DIP2C: variants seen among roughly 807,000 people sequenced by gnomAD.
DIP2C encodes DIP2 acetate--CoA ligase C (putative).
DIP2C carries 33 observed loss-of-function variants against 192.4 expected under a neutral mutation model. That is an observed-to-expected ratio of 0.17 (90% CI 0.13 to 0.23). The LOEUF is 0.23. Among genes scored for constraint, DIP2C ranks in the 10% least tolerant of loss-of-function variants. DIP2C has a pLI of 1.00. For missense variants in DIP2C, 1,537 were observed against 2,110.1 expected (o/e 0.73, Z 5.32); for synonymous variants, 979 against 864.1 (o/e 1.13, Z -2.33).
At chr10:439,766 GCT>G (rs1967579761) in intron 4 of DIP2C, among the ~76,000 whole-genome samples, 1 of 152,148 alleles carries the variant, frequency 6.6e-6, no homozygotes, top group Non-Finnish European at 1.5e-5. Flanking sequence ...CTTGATCTCA[GCT>G]CTGATCTGAT....
chr10:343,173 C>T (rs951595993), intron 28 of DIP2C, among the ~76,000 whole-genome samples: 2 of 152,218 alleles, frequency 1.3e-5, no homozygotes, highest in Admixed American at 1.3e-4. Flanking sequence ...CCTGTAGTCC[C>T]AGCTACTCAG....
Position 384,137 on chromosome 10 carries a change from G to A in DIP2C, c.1766C>T (p.Ala589Val). Residue 589 changes from alanine to valine, a missense_variant, in exon 16 of 37, where the codon GCG becomes GTG. This residue lies in a region of DIP2C where 677 missense variants were observed against 989.9 expected (regional missense o/e 0.68). Coordinates refer to ENST00000280886, the MANE Select transcript of DIP2C (RefSeq NM_014974.3). ...ATGCATATCCCTCGATTTCACACAC[G>A]CCACTTTTGCTAAAAAGAAAAATAG... ...QKVCQYKAKV[A>V]CVKSRDMHWA... 6.2e-6 allele frequency: 10 copies of A among 1,608,912 alleles called. No homozygotes were observed. The highest frequency in any genetic ancestry group is 1.7e-5 in the Admixed American group (1 of 58,424).
intron 1 of DIP2C, among the ~76,000 whole-genome samples, chr10:505,331 G>T (rs2130733252): frequency 6.6e-6 from 1 of 152,338 alleles, no homozygotes; most frequent in South Asian, 2.1e-4. Context: ...ACGCTCTTCA[G>T]GAAACAGGAG....
chr10:612,996 C>G (rs1443636641), intron 1 of DIP2C, among the ~76,000 whole-genome samples: 1 of 152,174 alleles, frequency 6.6e-6, no homozygotes, highest in Non-Finnish European at 1.5e-5. Context: ...GTGATGAACG[C>G]TGACCACGTT....
At chr10:572,880 G>A (rs1028571158) in intron 1 of DIP2C, among the ~76,000 whole-genome samples, 2 of 152,134 alleles carry the variant, frequency 1.3e-5, no homozygotes, top group African/African-American at 4.8e-5. Context: ...CAGCCGGCGG[G>A]ACTCGCTAAA....
At chr10:391,217 C>A (rs1317606728) in intron 10 of DIP2C, among the ~76,000 whole-genome samples, 1 of 152,228 alleles carries the variant, frequency 6.6e-6, no homozygotes, top group African/African-American at 2.4e-5. Context: ...AATGCAATTA[C>A]TGTAGAGAAT....
chr10:393,436 C>T (rs1208406675), intron 10 of DIP2C, among the ~76,000 whole-genome samples: 1 of 152,140 alleles, frequency 6.6e-6, no homozygotes, highest in African/African-American at 2.4e-5. Context: ...GCCAACAGGT[C>T]CATGAAAAGG....
chr10:586,712 G>GT (rs1851054634), intron 1 of DIP2C, among the ~76,000 whole-genome samples: 1 of 152,208 alleles, frequency 6.6e-6, no homozygotes. Flanking sequence ...CAATGAAAAT[G>GT]TTTTTACCTC....
chr10:511,818 CTTCA>C lies in DIP2C; in HGVS notation c.86-25292_86-25289del, dbSNP rs748761129. Among the ~76,000 whole-genome samples, 7 of 152,226 alleles carry C rather than the reference CTTCA, an allele frequency of 4.6e-5. No homozygotes were observed. In the East Asian group the frequency reaches 1.2e-3, roughly 25 times the overall value. The stretch of plus-strand genomic sequence containing the variant: ...CTGAAATGCAATACATATTTAAGGA[CTTCA>C]TTATTAGTTTTTCAAAACTGTAAGA... On this transcript the variant is annotated intron_variant, in intron 1 of 36. Coordinates refer to ENST00000280886, the MANE Select transcript of DIP2C (RefSeq NM_014974.3).
chr10:421,481 C>T (rs1032047511), intron 5 of DIP2C, among the ~76,000 whole-genome samples: 9 of 152,102 alleles, frequency 5.9e-5, no homozygotes, highest in Admixed American at 2.6e-4. Context: ...GAGCCTCAGC[C>T]ACTATCCTGG....
At chr10:672,951 C>A (rs996096895) in intron 1 of DIP2C, among the ~76,000 whole-genome samples, 1 of 152,210 alleles carries the variant, frequency 6.6e-6, no homozygotes, top group Non-Finnish European at 1.5e-5. Context: ...ACAGTGAATA[C>A]CCATGTATCA....
intron 1 of DIP2C, among the ~76,000 whole-genome samples, chr10:502,757 C>T (rs1845327461): frequency 6.6e-6 from 1 of 152,168 alleles, no homozygotes. Flanking sequence ...CTTAGGTATA[C>T]ATTTAACAAA....
At chr10:562,514 T>C (rs1047927479) in intron 1 of DIP2C, among the ~76,000 whole-genome samples, 1 of 152,246 alleles carries the variant, frequency 6.6e-6, no homozygotes, top group Non-Finnish European at 1.5e-5. Context: ...ATAGACGAAA[T>C]TCCAATTCTG....
At chr10:615,136 G>A (rs916382312) in intron 1 of DIP2C, among the ~76,000 whole-genome samples, 8 of 152,240 alleles carry the variant, frequency 5.3e-5, no homozygotes, top group Non-Finnish European at 1.0e-4. Flanking sequence ...CACGACACAC[G>A]TGACACTTCT....
intron 36 of DIP2C, among the ~76,000 whole-genome samples, chr10:280,839 CCAAGT>C (rs1307260724): frequency 6.6e-6 from 1 of 152,192 alleles, no homozygotes; most frequent in African/African-American, 2.4e-5. Flanking sequence ...CTTCCAGTTC[CCAAGT>C]CAACAGTCAT....
chr10:572,572 A>T (rs1849891740), intron 1 of DIP2C, among the ~76,000 whole-genome samples: 1 of 152,200 alleles, frequency 6.6e-6, no homozygotes, highest in African/African-American at 2.4e-5. Flanking sequence ...GTCACTTTTT[A>T]ATGTAATACT....
Position 619,541 on chromosome 10 carries a change from G to GCCCTCCCA in DIP2C, c.85+69945_85+69952dup, listed in dbSNP as rs1554757195. Among the ~76,000 whole-genome samples the GCCCTCCCA allele has an allele frequency of 7.4e-3, 506 of 67,960 alleles. 4 individuals carry two copies. Among genetic ancestry groups the GCCCTCCCA allele is most frequent in the East Asian group, 0.052 (114 of 2,206 alleles). The allele number at this position is 67,960 out of a possible 152,430, so 44.6% of individuals were successfully genotyped here. On this transcript the variant is annotated intron_variant, in intron 1 of 36. Transcript: ENST00000280886. ...GGGCCAGGACCAAGCCCGCCCGCCC[G>GCCCTCCCA]CCCTCCCACCCAGCTCCTCACGCAC...
rs201223612 is a variant in DIP2C at position 327,193 on chromosome 10, A to G, written c.3754-17T>C. 632 of 1,610,150 alleles carry G rather than the reference A, an allele frequency of 3.9e-4. 1 individual carries two copies. Among genetic ancestry groups the G allele is most frequent in the Non-Finnish European group, 4.2e-4 (492 of 1,178,562 alleles). The stretch of plus-strand genomic sequence containing the variant: ...CCCTCGCGCCTGGAGATGATGACAG[A>G]GAAACCGAGTCAGCCCCCACGTGTC... On this transcript the variant is annotated splice_polypyrimidine_tract_variant and intron_variant, in intron 30 of 36. Transcript: ENST00000280886.
At position 414,707 on chromosome 10, in the gene DIP2C, A is replaced by ATGTG. The variant is rs71199933; in HGVS notation, c.860-601_860-598dup. On this transcript the variant is annotated intron_variant, in intron 7 of 36. Transcript: ENST00000280886. The stretch of plus-strand genomic sequence containing the variant: ...CCAGCTAATTTTAGAGTGTGTATGT[A>ATGTG]TGTGTGTGTGTGTGTGTGTGTGTGT... Among the ~76,000 whole-genome samples the ATGTG allele has an allele frequency of 5.1e-3, 243 of 47,790 alleles. 6 individuals are homozygous for ATGTG. Among genetic ancestry groups the ATGTG allele is most frequent in the Middle Eastern group, 0.011 (1 of 88 alleles). 31.4% of individuals were successfully genotyped at this position (47,790 alleles called of 152,430 possible).
Sources: gnomAD v4.1 joint callset for allele counts (sites outside exome capture counted in the v4.1 genomes callset) on GRCh38, gnomAD v4.1.1 for gene constraint, gnomAD v4.1.1 regional missense constraint, MANE v1.5 for transcripts, NCBI Gene and HGNC (gene_info 2026-07-23, HGNC 2026-07-21) for gene names.